SULT1E1: variants seen among roughly 807,000 people sequenced by gnomAD.
The protein encoded by SULT1E1 is sulfotransferase 1E1.
SULT1E1 carries 36 observed loss-of-function variants against 33.6 expected under a neutral mutation model. The ratio of observed to expected loss-of-function variants is 1.07; its 90% CI spans 0.82 to 1.41. The LOEUF is 1.41. Ranked by LOEUF, SULT1E1 falls within the 40% of genes most tolerant of loss-of-function variation. The pLI is 0.00. For synonymous variants in SULT1E1, 121 were observed against 111.7 expected, an observed-to-expected ratio of 1.08 and a Z score of -0.53; for missense variants, 371 against 345.7, an observed-to-expected ratio of 1.07 and a Z score of -0.58.
Position 69,854,075 on chromosome 4 carries a change from A to G in SULT1E1, c.369+142T>C, listed in dbSNP as rs1721180818. 1.9e-5 allele frequency: 10 copies of G among 519,074 alleles called. No individual in the cohort carries two copies. The South Asian group carries it at 5.0e-4, about 26-fold the overall frequency. The allele number at this position is 519,074 out of a possible 1,614,324, so 32.2% of individuals were successfully genotyped here. A position where few individuals can be genotyped will look rare whatever the true frequency, so the allele number is the denominator to read the frequency against. The stretch of plus-strand genomic sequence containing the variant: ...GAATTAAAATATAGACTCTCTGACA[A>G]TATTGACTGTATTTATTCCACATTT... On this transcript the variant is annotated intron_variant, in intron 4 of 7. Coordinates refer to ENST00000226444, the MANE Select transcript of SULT1E1 (RefSeq NM_005420.3).
the SULT1E1 span, among the ~76,000 whole-genome samples, chr4:69,822,387 A>T: frequency 6.6e-6 from 1 of 152,112 alleles, no homozygotes; most frequent in Non-Finnish European, 1.5e-5. Flanking sequence ...CAGGAGGATG[A>T]CTCGAGGCCA....
chr4:69,827,718 G>T, the SULT1E1 span, among the ~76,000 whole-genome samples: 2 of 151,560 alleles, frequency 1.3e-5, no homozygotes, highest in African/African-American at 4.8e-5. Flanking sequence ...CTATAATAGG[G>T]CCAAGAGGAA....
chr4:69,832,474 G>C, the SULT1E1 span, among the ~76,000 whole-genome samples: 13 of 152,180 alleles, frequency 8.5e-5, no homozygotes, highest in Non-Finnish European at 1.5e-4. Flanking sequence ...TCCAAAGACT[G>C]GGCCCCGAAC....
downstream of SULT1E1, among the ~76,000 whole-genome samples, chr4:69,840,584 T>C (rs192560276): frequency 3.3e-5 from 5 of 152,348 alleles, no homozygotes; most frequent in African/African-American, 1.2e-4. Flanking sequence ...TTACATTTGT[T>C]GGATTGCATA....
chr4:69,840,094 A>T (rs74834960), downstream of SULT1E1, among the ~76,000 whole-genome samples: 211 of 152,330 alleles, frequency 1.4e-3, no homozygotes, highest in Non-Finnish European at 2.5e-3. Flanking sequence ...AAAAAATGTA[A>T]AACAATTGTT....
In SULT1E1 at chr4:69,860,073, A is replaced by AATTGATCTAGTTT. The variant is rs1721340391; in HGVS notation, c.-47_-35dup. ...CCTGTTTAGTTGATCCTGTGAAAGA[A>AATTGATCTAGTTT]ATTGATCTAGTTTATATCTCTTCAA... On this transcript the variant is annotated 5_prime_UTR_variant, in exon 1 of 8. Transcript: ENST00000226444. 6.6e-6 allele frequency: 1 copy of AATTGATCTAGTTT among 152,112 alleles called. No individual in the cohort carries two copies. The highest frequency in any genetic ancestry group is 1.5e-5 in the Non-Finnish European group (1 of 67,978). 9.4% of individuals were successfully genotyped at this position (152,112 alleles called of 1,614,324 possible). A position where few individuals can be genotyped will look rare whatever the true frequency, so the allele number is the denominator to read the frequency against.
chr4:69,847,914 T>C (rs1402742385), intron 5 of SULT1E1, 122 bp from the exon 6 acceptor site: 2 of 536,268 alleles, frequency 3.7e-6, no homozygotes, highest in Non-Finnish European at 6.4e-6. Context: ...TTAGAATAGA[T>C]CAGCTGTATA....
intron 1 of SULT1E1, among the ~76,000 whole-genome samples, chr4:69,857,867 A>C (rs1416708396): frequency 6.6e-6 from 1 of 152,200 alleles, no homozygotes; most frequent in African/African-American, 2.4e-5. Context: ...AAAGAATAGG[A>C]AAGCACAAGT....
intron 1 of SULT1E1, among the ~76,000 whole-genome samples, chr4:69,859,846 C>T (rs954984045): frequency 3.3e-5 from 5 of 152,024 alleles, no homozygotes; most frequent in African/African-American, 1.2e-4. Flanking sequence ...CAACAAAATA[C>T]TACATAAATG....
At chr4:69,837,012 G>A (rs560822337), downstream of SULT1E1, among the ~76,000 whole-genome samples, 22 of 152,180 alleles carry the variant, frequency 1.4e-4, no homozygotes, top group African/African-American at 4.8e-4. Context: ...AAGCCCAGGA[G>A]TTTGAGGCTG....
intron 4 of SULT1E1, among the ~76,000 whole-genome samples, chr4:69,852,686 A>G (rs1721151252): frequency 1.3e-5 from 2 of 152,040 alleles, no homozygotes; most frequent in South Asian, 2.1e-4. Flanking sequence ...TCCTGTATCT[A>G]TTTGTTTTAT....
chr4:69,856,806 G>C lies in SULT1E1; in HGVS notation c.145+694C>G, dbSNP rs540351313. Among the ~76,000 whole-genome samples, 17 of 151,736 alleles carry C rather than the reference G, an allele frequency of 1.1e-4. No individual in the cohort carries two copies. The South Asian group carries it at 3.5e-3, about 32-fold the overall frequency. ...AAAAAATTAGCCAGGTGCAGTGGCG[G>C]GCGCCTGCAGTCCCAGCTACTCGGG... is the stretch of plus-strand genomic sequence containing the variant. On this transcript the variant is annotated intron_variant, in intron 2 of 7. Coordinates refer to ENST00000226444, the MANE Select transcript of SULT1E1 (RefSeq NM_005420.3).
chr4:69,837,109 AGG>A (rs1720809885), downstream of SULT1E1, among the ~76,000 whole-genome samples: 3 of 151,506 alleles, frequency 2.0e-5, no homozygotes, highest in South Asian at 6.2e-4. Context: ...AAATGTAGGT[AGG>A]GGTTAGATAG....
At chr4:69,835,286 A>G in the SULT1E1 span, among the ~76,000 whole-genome samples, 11 of 152,302 alleles carry the variant, frequency 7.2e-5, no homozygotes, top group African/African-American at 2.2e-4. Flanking sequence ...AATGCATATG[A>G]CTAATATTAG....
the SULT1E1 span, among the ~76,000 whole-genome samples, chr4:69,822,656 C>T: frequency 6.6e-6 from 1 of 152,132 alleles, no homozygotes; most frequent in Non-Finnish European, 1.5e-5. Context: ...ATTTTTACTA[C>T]TTTGTTATGG....
At chr4:69,829,097 A>T in the SULT1E1 span, among the ~76,000 whole-genome samples, 2 of 152,118 alleles carry the variant, frequency 1.3e-5, no homozygotes, top group Admixed American at 6.6e-5. Context: ...GCATCCTTTA[A>T]ATCTAGGACT....
chr4:69,821,288 A>C, the SULT1E1 span, among the ~76,000 whole-genome samples: 1 of 152,162 alleles, frequency 6.6e-6, no homozygotes, highest in African/African-American at 2.4e-5. Flanking sequence ...CACTGTAATA[A>C]ATAACCCAAT....
At chr4:69,838,418 T>C (rs1216658696), downstream of SULT1E1, 2 of 152,156 alleles carry the variant, frequency 1.3e-5, no homozygotes, top group Admixed American at 1.3e-4. Flanking sequence ...GCTGTTACAA[T>C]GAAGAATTTC....
rs113582655 is a variant in SULT1E1, at chr4:69,855,595, A to C, written c.146-169T>G. Among the ~76,000 whole-genome samples the C allele has an allele frequency of 6.5e-3, 993 of 152,316 alleles. 15 individuals are homozygous for C. Among genetic ancestry groups the C allele is most frequent in the African/African-American group, 0.022 (922 of 41,568 alleles). ...ATTTTCTATAATATTTTATGTTTAG[A>C]ACACAAAAATAACCTCAAGAGATAA... On this transcript the variant is annotated intron_variant, in intron 2 of 7. Coordinates refer to ENST00000226444, the MANE Select transcript of SULT1E1 (RefSeq NM_005420.3).
Sources: gnomAD v4.1 joint callset for allele counts (sites outside exome capture counted in the v4.1 genomes callset) on GRCh38, gnomAD v4.1.1 for gene constraint, MANE v1.5 for transcripts, NCBI Gene and HGNC (gene_info 2026-07-23, HGNC 2026-07-21) for gene names.